ATOSA: variants seen among roughly 807,000 people sequenced by gnomAD.
ATOSA encodes the protein atos homolog protein A.
the ATOSA span, chr15:52,611,546 A>G: frequency 6.2e-7 from 1 of 1,603,672 alleles, no homozygotes; most frequent in Non-Finnish European, 8.5e-7. Context: ...TTTACCAAGA[A>G]CAACTTTGAA....
chr15:52,593,144 A>G, the ATOSA span, among the ~76,000 whole-genome samples: 1 of 135,052 alleles, frequency 7.4e-6, no homozygotes, highest in Non-Finnish European at 1.5e-5. Context: ...AGATGCTGTC[A>G]AAAAAAAAAA....
chr15:52,689,392 G>T, the ATOSA span, among the ~76,000 whole-genome samples: 2 of 151,916 alleles, frequency 1.3e-5, no homozygotes, highest in African/African-American at 4.8e-5. Flanking sequence ...AACATGACTG[G>T]GTATTGATGT....
chr15:52,694,720 G>T, the ATOSA span, among the ~76,000 whole-genome samples: 1 of 151,872 alleles, frequency 6.6e-6, no homozygotes, highest in East Asian at 1.9e-4. Context: ...AGATAAGCTA[G>T]AAAATACAAA....
At chr15:52,654,913 C>T in the ATOSA span, among the ~76,000 whole-genome samples, 4 of 151,836 alleles carry the variant, frequency 2.6e-5, no homozygotes, top group Admixed American at 6.6e-5. Context: ...TACACATATA[C>T]GCATATTAAA....
At chr15:52,611,714 T>G in the ATOSA span, 1 of 1,613,928 alleles carries the variant, frequency 6.2e-7, no homozygotes, top group Non-Finnish European at 8.5e-7. Context: ...ATTTCCACCA[T>G]GATTGGAAGG....
the ATOSA span, among the ~76,000 whole-genome samples, chr15:52,627,734 AAC>A: frequency 6.6e-6 from 1 of 151,914 alleles, no homozygotes; most frequent in Non-Finnish European, 1.5e-5. Context: ...AAAACAATTT[AAC>A]TTATTCACAA....
chr15:52,663,317 T>A, the ATOSA span, among the ~76,000 whole-genome samples: 1 of 152,362 alleles, frequency 6.6e-6, no homozygotes, highest in African/African-American at 2.4e-5. Flanking sequence ...GAATTAATCA[T>A]TCCCTATGAC....
chr15:52,689,893 G>C, the ATOSA span, among the ~76,000 whole-genome samples: 2 of 152,202 alleles, frequency 1.3e-5, no homozygotes, highest in Non-Finnish European at 2.9e-5. Flanking sequence ...AGACAGTTCT[G>C]AAAGAATACC....
chr15:52,663,581 T>C, the ATOSA span, among the ~76,000 whole-genome samples: 2 of 145,106 alleles, frequency 1.4e-5, no homozygotes, highest in Non-Finnish European at 3.1e-5. Context: ...GAGTTGTACA[T>C]ATTGTTAAGA....
At chr15:52,605,995 A>C in the ATOSA span, among the ~76,000 whole-genome samples, 1 of 152,040 alleles carries the variant, frequency 6.6e-6, no homozygotes, top group Admixed American at 6.5e-5. Flanking sequence ...GCCATAATAA[A>C]AGTTATGTGA....
At chr15:52,614,651 A>C in the ATOSA span, among the ~76,000 whole-genome samples, 111,306 of 151,288 alleles carry the variant, frequency 0.74, 42,832 homozygotes, top group Middle Eastern at 0.85. Context: ...AATTTGAGAC[A>C]AGCCTTACCA....
chr15:52,610,185 A>G, the ATOSA span: 3 of 1,613,956 alleles, frequency 1.9e-6, no homozygotes, highest in Non-Finnish European at 2.5e-6. Flanking sequence ...TTTTAAGTTT[A>G]TGTTGTTGAA....
the ATOSA span, among the ~76,000 whole-genome samples, chr15:52,688,289 A>T: frequency 6.6e-6 from 1 of 152,240 alleles, no homozygotes; most frequent in African/African-American, 2.4e-5. Flanking sequence ...GAAGATGGAG[A>T]TGGGAAGAGA....
the ATOSA span, among the ~76,000 whole-genome samples, chr15:52,620,120 A>G: frequency 6.6e-6 from 1 of 152,192 alleles, no homozygotes; most frequent in Non-Finnish European, 1.5e-5. Flanking sequence ...TGTTCTGTCC[A>G]TCGAGAAAAG....
the ATOSA span, among the ~76,000 whole-genome samples, chr15:52,615,631 T>C: frequency 6.6e-6 from 1 of 152,192 alleles, no homozygotes; most frequent in East Asian, 1.9e-4. Flanking sequence ...AGCTTATGAA[T>C]AGCTTTGAAG....
the ATOSA span, among the ~76,000 whole-genome samples, chr15:52,703,328 T>C: frequency 3.3e-5 from 5 of 152,188 alleles, no homozygotes; most frequent in Admixed American, 1.3e-4. Context: ...AAATTTTATA[T>C]AGTTTATAGG....
At chr15:52,677,785 C>T in the ATOSA span, among the ~76,000 whole-genome samples, 1 of 152,210 alleles carries the variant, frequency 6.6e-6, no homozygotes, top group Admixed American at 6.5e-5. Context: ...ACTAGAATCT[C>T]TCTTGAAGCT....
chr15:52,620,165 C>T, the ATOSA span, among the ~76,000 whole-genome samples: 1 of 152,142 alleles, frequency 6.6e-6, no homozygotes, highest in South Asian at 2.1e-4. Context: ...CTTTGAACAA[C>T]TGGGGTGATC....
the ATOSA span, chr15:52,609,880 C>T: frequency 6.2e-7 from 1 of 1,613,364 alleles, no homozygotes; most frequent in Non-Finnish European, 8.5e-7. Context: ...GTTAGAGATA[C>T]TGGAATCAAC....
Sources: allele counts gnomAD v4.1 joint callset (sites outside exome capture counted in the v4.1 genomes callset), GRCh38; gene constraint gnomAD v4.1.1; transcripts MANE v1.5; gene names NCBI Gene and HGNC (gene_info 2026-07-23, HGNC 2026-07-21).